The following CFAP20DC variants were observed in gnomAD, a reference collection of about 807,000 sequenced individuals.
The protein encoded by CFAP20DC is CFAP20 domain containing.
CFAP20DC carries 84 observed loss-of-function variants against 101.7 expected under a neutral mutation model. The ratio of observed to expected loss-of-function variants is 0.83; its 90% CI spans 0.69 to 0.99. The LOEUF is 0.99. Among genes scored for constraint, CFAP20DC ranks in the 50% least tolerant of loss-of-function variants. The pLI is 0.00. For synonymous variants in CFAP20DC, 359 were observed against 351.2 expected (o/e 1.02, Z -0.25); for missense variants, 1,007 against 970.3 (o/e 1.04, Z -0.50).
intron 4 of CFAP20DC, among the ~76,000 whole-genome samples, chr3:59,028,824 C>T (rs1205906027): frequency 2.0e-5 from 3 of 152,078 alleles, no homozygotes; most frequent in Admixed American, 6.6e-5. Flanking sequence ...TAATGTTAGC[C>T]ATTATTATTA....
intron 13 of CFAP20DC, among the ~76,000 whole-genome samples, chr3:58,840,355 A>G (rs181978800): frequency 1.6e-4 from 25 of 152,310 alleles, no homozygotes; most frequent in African/African-American, 5.5e-4. Flanking sequence ...GCTACTAGTT[A>G]TGCCCAAATT....
At chr3:58,716,201 C>T (rs943715074), downstream of CFAP20DC, among the ~76,000 whole-genome samples, 70 of 121,474 alleles carry the variant, frequency 5.8e-4, no homozygotes, top group Admixed American at 4.2e-3. Flanking sequence ...GTCGCCCAGG[C>T]GGGACTGCGG....
At chr3:59,000,425 T>C (rs2093276463) in intron 4 of CFAP20DC, among the ~76,000 whole-genome samples, 1 of 152,212 alleles carries the variant, frequency 6.6e-6, no homozygotes, top group South Asian at 2.1e-4. Flanking sequence ...AATCTGAGCA[T>C]GATCATGGTA....
chr3:58,793,385 G>A (rs1237801919), intron 15 of CFAP20DC, among the ~76,000 whole-genome samples: 1 of 152,110 alleles, frequency 6.6e-6, no homozygotes, highest in Non-Finnish European at 1.5e-5. Context: ...TTTAGAGAAT[G>A]TCACATGGCT....
At chr3:58,719,432 T>A (rs2067439880) in intron 3 of CFAP20DC, among the ~76,000 whole-genome samples, 1 of 152,254 alleles carries the variant, frequency 6.6e-6, no homozygotes, top group African/African-American at 2.4e-5. Context: ...ATGTAGTAGA[T>A]GCTTTGTAAT....
chr3:58,803,076 A>C (rs935525207), intron 15 of CFAP20DC, among the ~76,000 whole-genome samples: 3 of 152,184 alleles, frequency 2.0e-5, no homozygotes, highest in Non-Finnish European at 4.4e-5. Flanking sequence ...ACATGTATAC[A>C]TGTGGGCACT....
At chr3:58,743,422 C>T (rs989239292) in intron 16 of CFAP20DC, among the ~76,000 whole-genome samples, 1 of 152,132 alleles carries the variant, frequency 6.6e-6, no homozygotes, top group African/African-American at 2.4e-5. Flanking sequence ...GAGGTCAAGA[C>T]CTTCCCAGCC....
intron 16 of CFAP20DC, among the ~76,000 whole-genome samples, 169 bp from the exon 17 acceptor site, chr3:58,742,741 G>T (rs1380796910): frequency 6.6e-6 from 1 of 152,148 alleles, no homozygotes; most frequent in Non-Finnish European, 1.5e-5. Context: ...CTCTAAACAT[G>T]TGGTTCCAGG....
chr3:58,809,163 G>C (rs1437216592), intron 14 of CFAP20DC, among the ~76,000 whole-genome samples: 3 of 152,000 alleles, frequency 2.0e-5, no homozygotes, highest in Non-Finnish European at 4.4e-5. Context: ...AGTTAACAAG[G>C]ATACCCAGGA....
chr3:58,845,365 T>A (rs921331907), intron 13 of CFAP20DC, among the ~76,000 whole-genome samples: 37 of 152,064 alleles, frequency 2.4e-4, no homozygotes, highest in African/African-American at 8.7e-4. Context: ...CAAACTACCA[T>A]CAGGGAATAC....
chr3:58,791,334 A>G (rs2072835853), intron 15 of CFAP20DC, among the ~76,000 whole-genome samples: 1 of 152,194 alleles, frequency 6.6e-6, no homozygotes, highest in South Asian at 2.1e-4. Context: ...AATCTTTGCA[A>G]TAACACTTTA....
rs999225077 is a variant in CFAP20DC at position 58,822,694 on chromosome 3, A to G, written c.2175+8992T>C. On this transcript the variant is annotated intron_variant, in intron 14 of 16. Transcript: ENST00000482387. Reference sequence around the variant, plus strand: ...ACCAATGGAAACTTTTCAAATAAAAACTGCTGACACGAACACATAGAAAGG... The same window carrying G: ...ACCAATGGAAACTTTTCAAATAAAAGCTGCTGACACGAACACATAGAAAGG... 3.3e-5 allele frequency among the ~76,000 whole-genome samples: 5 copies of G among 152,144 alleles called. No homozygotes were observed. In the East Asian group the frequency reaches 5.8e-4, roughly 18 times the overall value.
chr3:58,940,913 T>C (rs1002992836), intron 4 of CFAP20DC, among the ~76,000 whole-genome samples: 10 of 152,364 alleles, frequency 6.6e-5, no homozygotes, highest in African/African-American at 1.4e-4. Context: ...TCCAATTATT[T>C]AGGCTTTGCT....
intron 15 of CFAP20DC, among the ~76,000 whole-genome samples, chr3:58,804,809 T>C (rs1331810189): frequency 6.6e-6 from 1 of 152,260 alleles, no homozygotes; most frequent in Non-Finnish European, 1.5e-5. Flanking sequence ...GAGAGATAGC[T>C]AATTCTAAGA....
rs12495637 is a variant in CFAP20DC at position 58,811,380 on chromosome 3, G to C, written c.2176-4924C>G. ...AGATATAGATCAATGGAACAGAACA[G>C]AGCCCTCAGAAATAACGCCGCATAT... On this transcript the variant is annotated intron_variant, in intron 14 of 16. Coordinates refer to ENST00000482387, the MANE Select transcript of CFAP20DC (RefSeq NM_001394063.1). Among the ~76,000 whole-genome samples, 904 of 152,118 alleles carry C rather than the reference G, an allele frequency of 5.9e-3. 22 individuals are homozygous for C. Among genetic ancestry groups the C allele is most frequent in the Admixed American group, 0.052 (785 of 15,236 alleles).
At chr3:58,983,088 A>G (rs1243130959) in intron 4 of CFAP20DC, among the ~76,000 whole-genome samples, 2 of 152,156 alleles carry the variant, frequency 1.3e-5, no homozygotes, top group African/African-American at 4.8e-5. Context: ...TATTCTGATC[A>G]TGGGCCATTA....
At chr3:58,865,360 C>T (rs552365089) in intron 11 of CFAP20DC, among the ~76,000 whole-genome samples, 16 of 152,286 alleles carry the variant, frequency 1.1e-4, no homozygotes, top group Middle Eastern at 3.4e-3. Flanking sequence ...TCTTAACTTA[C>T]GGCTACCATT....
chr3:59,037,223 A>C (rs56210761), intron 4 of CFAP20DC, among the ~76,000 whole-genome samples: 2,681 of 152,292 alleles, frequency 0.018, 65 homozygotes, highest in African/African-American at 0.06. Context: ...AGGCATGGGC[A>C]AAGACTTCAT....
At chr3:58,779,466 A>G (rs1290107745) in intron 15 of CFAP20DC, among the ~76,000 whole-genome samples, 2 of 152,214 alleles carry the variant, frequency 1.3e-5, no homozygotes, top group Non-Finnish European at 2.9e-5. Context: ...GGATACAACC[A>G]TCTAAATATC....
Sources: gnomAD v4.1 joint callset for allele counts (sites outside exome capture counted in the v4.1 genomes callset) on GRCh38, gnomAD v4.1.1 for gene constraint, MANE v1.5 for transcripts, NCBI Gene and HGNC (gene_info 2026-07-23, HGNC 2026-07-21) for gene names.